The following WTAP variants were observed in gnomAD, a reference collection of about 807,000 sequenced individuals.
WTAP encodes pre-mRNA-splicing regulator WTAP.
WTAP carries 8 observed loss-of-function variants against 50.0 expected under a neutral mutation model. The ratio of observed to expected loss-of-function variants is 0.16; its 90% CI spans 0.09 to 0.29. The LOEUF (loss-of-function observed/expected upper bound fraction) is 0.29, where lower values mean the gene tolerates loss of function less well. Ranked by LOEUF, WTAP falls within the 10% of genes least tolerant of loss-of-function variation. The pLI is 1.00. For synonymous variants in WTAP, 194 were observed against 169.0 expected, an observed-to-expected ratio of 1.15 and a Z score of -1.15; for missense variants, 295 against 470.7, an observed-to-expected ratio of 0.63 and a Z score of 3.45.
chr6:159,727,021 G>A, upstream of WTAP: 1 of 1,238,032 alleles, frequency 8.1e-7, no homozygotes, highest in Non-Finnish European at 1.0e-6. Flanking sequence ...AGGCAGCCCC[G>A]CAGCCGCAGG....
chr6:159,748,995 AT>A lies in WTAP; in HGVS notation c.452+627del. 9.7e-7 allele frequency: 1 copy of A among 1,027,652 alleles called. No homozygotes were observed. The highest frequency in any genetic ancestry group is 1.7e-5 in the African/African-American group (1 of 59,132). The allele number at this position is 1,027,652 out of a possible 1,614,324, so 63.7% of individuals were successfully genotyped here. ...ACCAACTTTCAATAGTCATGAGAGA[AT>A]CAAATAATAGATGTCCGTACAAGTA... On this transcript the variant is annotated intron_variant, in intron 6 of 7. Coordinates refer to ENST00000621533, the MANE Select transcript of WTAP (RefSeq NM_001270531.2). This position sits in a 1 kb window ranked among gnomAD's most constrained non-coding sequence, Gnocchi z 5.6.
intron 3 of WTAP, among the ~76,000 whole-genome samples, 188 bp downstream of exon 3, chr6:159,739,233 G>T (rs905877980): frequency 6.6e-6 from 1 of 152,130 alleles, no homozygotes; most frequent in African/African-American, 2.4e-5. Flanking sequence ...ACACTTTAAA[G>T]AACTACTAGG....
At chr6:159,726,829 G>A (rs1362717248), upstream of WTAP, 6 of 1,289,074 alleles carry the variant, frequency 4.7e-6, no homozygotes, top group African/African-American at 9.1e-5. Context: ...GAAGGCATCG[G>A]TTTCTAAGTT....
chr6:159,733,306 G>C (rs1014157765), intron 1 of WTAP, among the ~76,000 whole-genome samples: 4 of 152,178 alleles, frequency 2.6e-5, no homozygotes, highest in Admixed American at 6.5e-5. Context: ...TCTGTTTGCT[G>C]TATCCCTTGA....
intron 1 of WTAP, among the ~76,000 whole-genome samples, chr6:159,732,850 TTCTCTCTCTCTC>T (rs146820451): frequency 6.8e-6 from 1 of 147,654 alleles, no homozygotes; most frequent in African/African-American, 2.5e-5. Flanking sequence ...GTCTGCTTCT[TTCTCTCTCTCTC>T]TCTCTCTCTC....
At chr6:159,726,735 A>G (rs1031241992), upstream of WTAP, 1 of 1,279,698 alleles carries the variant, frequency 7.8e-7, no homozygotes, top group Non-Finnish European at 1.0e-6. Flanking sequence ...GCCAGAGAAC[A>G]ATAGCTCCTC....
chr6:159,749,333 G>T (rs562735446), intron 6 of WTAP: 4 of 985,512 alleles, frequency 4.1e-6, no homozygotes, highest in Non-Finnish European at 4.8e-6. Flanking sequence ...GAGCTTTGTC[G>T]TTGGTGTTAA....
chr6:159,742,414 A>G (rs540732264), intron 4 of WTAP, among the ~76,000 whole-genome samples: 1 of 152,334 alleles, frequency 6.6e-6, no homozygotes, highest in South Asian at 2.1e-4. Flanking sequence ...GCAGTAACTC[A>G]GAACTACTTG....
At position 159,742,142 on chromosome 6, in the gene WTAP, T is replaced by G; in HGVS notation, c.141T>G (p.Leu47=). Residue 47 remains leucine (L), a synonymous_variant, in exon 4 of 8, where the codon CTT becomes CTG. Coordinates refer to ENST00000621533, the MANE Select transcript of WTAP (RefSeq NM_001270531.2). Reference sequence around the variant, plus strand: ...CTTTGGAGGGCAAGTACACAGATCTTAACTGTAAGTTTGAGTTTTAGCTTC... The same window carrying G: ...CTTTGGAGGGCAAGTACACAGATCTGAACTGTAAGTTTGAGTTTTAGCTTC... ...VQALEGKYTD[L]NSNDVTGLRE... 6.2e-7 allele frequency: 1 copy of G among 1,604,550 alleles called. No homozygotes were observed. The highest frequency in any genetic ancestry group is 8.5e-7 in the Non-Finnish European group (1 of 1,177,046).
chr6:159,742,055 G>A (rs56119992), intron 3 of WTAP, 33 bp from the exon 4 acceptor site: 51,665 of 1,466,294 alleles, frequency 0.035, 1,938 homozygotes, highest in African/African-American at 0.17. Flanking sequence ...CTATTTTATC[G>A]TAACAACTAA....
intron 5 of WTAP, among the ~76,000 whole-genome samples, chr6:159,745,437 C>CT (rs34144985): frequency 0.028 from 4,110 of 145,184 alleles, 177 homozygotes; most frequent in African/African-American, 0.087. Flanking sequence ...CCTTTTCCAG[C>CT]TTTTTTTTTT....
intron 1 of WTAP, among the ~76,000 whole-genome samples, chr6:159,732,830 G>A (rs2114879018): frequency 6.6e-6 from 1 of 151,544 alleles, no homozygotes; most frequent in Admixed American, 6.6e-5. Flanking sequence ...GGGGGAGGGG[G>A]AGTGTCTCTG....
At position 159,727,566 on chromosome 6, in the gene WTAP, G is replaced by T; in HGVS notation, c.-146G>T. ...AAATAAAGGGGAGCGCAGGGGTTGC[G>T]GCGGGACTAGGAGCGCGGCGGGGCC... On this transcript the variant is annotated 5_prime_UTR_variant, in exon 1 of 8. Transcript: ENST00000621533. 1.0e-6 allele frequency: 1 copy of T among 988,514 alleles called. No homozygotes were observed. The highest frequency in any genetic ancestry group is 4.5e-5 in the South Asian group (1 of 22,148). The allele number at this position is 988,514 out of a possible 1,614,324, so 61.2% of individuals were successfully genotyped here.
intron 1 of WTAP, among the ~76,000 whole-genome samples, chr6:159,729,399 A>G (rs1778427121): frequency 1.3e-5 from 2 of 152,266 alleles, no homozygotes; most frequent in Non-Finnish European, 2.9e-5. Flanking sequence ...ACTTTTCAGT[A>G]TCTCCACAAT....
chr6:159,745,379 T>G (rs759013975), intron 5 of WTAP, among the ~76,000 whole-genome samples: 8 of 152,144 alleles, frequency 5.3e-5, no homozygotes, highest in Non-Finnish European at 1.0e-4. Flanking sequence ...ATCACTCTTG[T>G]CTCCTCGACC....
rs1184716445 is a variant in WTAP, at chr6:159,739,705, C to T, written c.86+660C>T. Among the ~76,000 whole-genome samples, 12 of 151,920 alleles carry T rather than the reference C, an allele frequency of 7.9e-5. No homozygotes were observed. In the East Asian group the frequency reaches 1.7e-3, roughly 22 times the overall value. ...AATAAGTATTTTAACAGGCTGAAAG[C>T]GGAGGAGAGAAAAGATGTTTTGTGA... On this transcript the variant is annotated intron_variant, in intron 3 of 7. Transcript: ENST00000621533.
chr6:159,746,020 A>T (rs886680751), intron 5 of WTAP, among the ~76,000 whole-genome samples: 1 of 152,216 alleles, frequency 6.6e-6, no homozygotes, highest in Non-Finnish European at 1.5e-5. Flanking sequence ...TTTTAAAAGA[A>T]GAGTAGAGTG....
intron 1 of WTAP, among the ~76,000 whole-genome samples, chr6:159,728,393 A>G (rs1473572284): frequency 6.6e-6 from 1 of 151,790 alleles, no homozygotes; most frequent in Non-Finnish European, 1.5e-5. Context: ...ATCAAGGACT[A>G]GCATAACTGT....
intron 1 of WTAP, among the ~76,000 whole-genome samples, chr6:159,734,532 C>T (rs1367767184): frequency 6.6e-6 from 1 of 152,058 alleles, no homozygotes; most frequent in Non-Finnish European, 1.5e-5. Context: ...ATAACTAGGG[C>T]TGGGCGTGAT....
Sources: allele counts gnomAD v4.1 joint callset (sites outside exome capture counted in the v4.1 genomes callset), GRCh38; gene constraint gnomAD v4.1.1; non-coding constraint Gnocchi (gnomAD v3.1); transcripts MANE v1.5; gene names NCBI Gene and HGNC (gene_info 2026-07-23, HGNC 2026-07-21).